Variants in CAMK4 observed in about 807,000 individuals in gnomAD.
The protein encoded by CAMK4 is calcium/calmodulin dependent protein kinase IV.
Under a neutral mutation model 44.9 loss-of-function variants are expected in CAMK4, and 22 were observed. The observed-to-expected ratio is 0.49, with a 90% CI of 0.35 to 0.70. The LOEUF is 0.70. CAMK4 is among the 30% of genes least tolerant of loss of function. The pLI, the probability that CAMK4 is intolerant of heterozygous loss-of-function variation, is 0.01. For synonymous variants in CAMK4, 218 were observed against 215.4 expected (o/e 1.01, Z -0.11); for missense variants, 498 against 586.8 (o/e 0.85, Z 1.56).
chr5:111,359,948 GCAGAT>G, intron 2 of CAMK4, among the ~76,000 whole-genome samples: 1 of 152,150 alleles, frequency 6.6e-6, no homozygotes, highest in South Asian at 2.1e-4. Flanking sequence ...ATAAATCAAA[GCAGAT>G]CCAAGATTAT....
At chr5:111,378,912 C>T (rs899410980) in intron 4 of CAMK4, among the ~76,000 whole-genome samples, 3 of 152,162 alleles carry the variant, frequency 2.0e-5, no homozygotes. Flanking sequence ...GTTCCCATGT[C>T]CTCAAGCAAG....
chr5:111,483,399 C>G (rs1321655923), intron 10 of CAMK4, among the ~76,000 whole-genome samples: 1 of 151,946 alleles, frequency 6.6e-6, no homozygotes, highest in African/African-American at 2.4e-5. Flanking sequence ...CTAAATATAT[C>G]ATTTTATATA....
At chr5:111,276,355 A>C (rs1403565697) in intron 1 of CAMK4, among the ~76,000 whole-genome samples, 1 of 152,150 alleles carries the variant, frequency 6.6e-6, no homozygotes, top group Non-Finnish European at 1.5e-5. Flanking sequence ...CTACTCCCCC[A>C]AAATCTTGCA....
chr5:111,249,644 ATG>A (rs1206514541), intron 1 of CAMK4, among the ~76,000 whole-genome samples: 61 of 112,134 alleles, frequency 5.4e-4, no homozygotes, highest in African/African-American at 1.5e-3. Context: ...ATATATATAT[ATG>A]TGTGTGTGTG....
chr5:111,332,541 T>C (rs2431742), intron 1 of CAMK4, among the ~76,000 whole-genome samples: 63,547 of 151,214 alleles, frequency 0.42, 13,895 homozygotes, highest in South Asian at 0.58. Flanking sequence ...AATAAACATA[T>C]GTGTGCATGT....
At chr5:111,395,037 C>A (rs1330422447) in intron 5 of CAMK4, among the ~76,000 whole-genome samples, 1 of 151,364 alleles carries the variant, frequency 6.6e-6, no homozygotes, top group Non-Finnish European at 1.5e-5. Flanking sequence ...GGTGAAACGC[C>A]ATATCTAATA....
At chr5:111,397,426 A>G (rs1752060484) in intron 5 of CAMK4, among the ~76,000 whole-genome samples, 1 of 152,136 alleles carries the variant, frequency 6.6e-6, no homozygotes, top group African/African-American at 2.4e-5. Flanking sequence ...ATGCAGACAC[A>G]CTTACTCCCC....
At chr5:111,271,996 G>C (rs774988071) in intron 1 of CAMK4, among the ~76,000 whole-genome samples, 1 of 152,030 alleles carries the variant, frequency 6.6e-6, no homozygotes, top group Non-Finnish European at 1.5e-5. Flanking sequence ...TATTATCTGA[G>C]TATCTCCCAA....
intron 5 of CAMK4, chr5:111,416,526 T>C (rs780517201): frequency 6.6e-6 from 1 of 152,208 alleles, no homozygotes; most frequent in Admixed American, 6.5e-5. Context: ...TATTCCAAGA[T>C]ACATAGAACC....
At chr5:111,225,377 C>T (rs769805904) in intron 1 of CAMK4, among the ~76,000 whole-genome samples, 17 of 152,202 alleles carry the variant, frequency 1.1e-4, no homozygotes, top group Non-Finnish European at 2.1e-4. Context: ...AAGATCCAAA[C>T]AGGTAGCAGT....
chr5:111,423,677 AC>A (rs1217328791), intron 5 of CAMK4, among the ~76,000 whole-genome samples: 1 of 152,222 alleles, frequency 6.6e-6, no homozygotes, highest in Non-Finnish European at 1.5e-5. Context: ...GCCTTGTTAC[AC>A]ACTGATTCAC....
intron 1 of CAMK4, among the ~76,000 whole-genome samples, chr5:111,264,978 C>A (rs1319720952): frequency 6.6e-6 from 1 of 152,130 alleles, no homozygotes; most frequent in Non-Finnish European, 1.5e-5. Flanking sequence ...AGGATCCCCA[C>A]ACTATCCAAT....
chr5:111,415,196 A>T (rs1366130356), intron 5 of CAMK4, among the ~76,000 whole-genome samples: 2 of 152,170 alleles, frequency 1.3e-5, no homozygotes, highest in Non-Finnish European at 2.9e-5. Context: ...ATCTGTCCTG[A>T]CCTGAGTAGC....
Position 111,356,754 on chromosome 5 carries a change from A to G in CAMK4, c.240+12652A>G, listed in dbSNP as rs190289779. Among the ~76,000 whole-genome samples the G allele has an allele frequency of 4.5e-3, 689 of 152,278 alleles. 7 individuals are homozygous for G. The highest frequency in any genetic ancestry group is 0.016 in the African/African-American group (661 of 41,586). On this transcript the variant is annotated intron_variant, in intron 2 of 10. Coordinates refer to ENST00000282356, the MANE Select transcript of CAMK4 (RefSeq NM_001744.6). ...CAGTTTTGCCAGCACCATTTATTAAATAGGGAATCCTTTCCCCATTTCTTG... is the reference window on the plus strand; with the variant it reads ...CAGTTTTGCCAGCACCATTTATTAAGTAGGGAATCCTTTCCCCATTTCTTG...
At position 111,487,161 on chromosome 5, in the gene CAMK4, T is replaced by C. The variant is rs1233204561; in HGVS notation, c.*2695T>C. The C allele has an allele frequency of 6.6e-6, 1 of 152,200 alleles. No individual in the cohort carries two copies. Among genetic ancestry groups the C allele is most frequent in the Non-Finnish European group, 1.5e-5 (1 of 68,024 alleles). The allele number at this position is 152,200 out of a possible 1,614,324, so 9.4% of individuals were successfully genotyped here. ...CAAATGGAGATTTAATTTCACAAAA[T>C]ACTTCATAACATCACTCCTAATTGG... is the stretch of plus-strand genomic sequence containing the variant. On this transcript the variant is annotated 3_prime_UTR_variant, in exon 11 of 11. Transcript: ENST00000282356.
At chr5:111,261,444 C>T (rs1749970852) in intron 1 of CAMK4, among the ~76,000 whole-genome samples, 1 of 152,178 alleles carries the variant, frequency 6.6e-6, no homozygotes, top group South Asian at 2.1e-4. Context: ...AGGTATTTCC[C>T]TTCCGGATCT....
intron 6 of CAMK4, among the ~76,000 whole-genome samples, chr5:111,447,112 A>T (rs751261175): frequency 3.9e-5 from 6 of 152,208 alleles, no homozygotes; most frequent in Non-Finnish European, 8.8e-5. Flanking sequence ...TCTTTTGGAG[A>T]TATTAACTTT....
At chr5:111,468,090 A>G (rs1754911888) in intron 7 of CAMK4, among the ~76,000 whole-genome samples, 1 of 152,208 alleles carries the variant, frequency 6.6e-6, no homozygotes, top group Non-Finnish European at 1.5e-5. Flanking sequence ...CAAACATCAT[A>G]TGTTCTCCCT....
intron 4 of CAMK4, among the ~76,000 whole-genome samples, chr5:111,382,694 G>A (rs574171573): frequency 1.1e-3 from 164 of 152,214 alleles, no homozygotes; most frequent in African/African-American, 3.7e-3. Flanking sequence ...AGAGAGGTCT[G>A]TTAACTTCCG....
Sources: allele counts gnomAD v4.1 joint callset (sites outside exome capture counted in the v4.1 genomes callset), GRCh38; gene constraint gnomAD v4.1.1; transcripts MANE v1.5; gene names NCBI Gene and HGNC (gene_info 2026-07-23, HGNC 2026-07-21).